P2RX5: variants seen among roughly 807,000 people sequenced by gnomAD.
The protein encoded by P2RX5 is purinergic receptor P2X 5.
In P2RX5, 46 loss-of-function variants were observed where a neutral mutation model predicts 54.1. The ratio of observed to expected loss-of-function variants is 0.85; its 90% confidence interval spans 0.67 to 1.09. The LOEUF is 1.09. Ranked by LOEUF, P2RX5 falls within the 50% of genes least tolerant of loss-of-function variation. The probability of loss-of-function intolerance (pLI) is 0.00; values close to 1 mark genes in which losing one functional copy is unlikely to be tolerated. For synonymous variants in P2RX5, 226 were observed against 226.4 expected, an observed-to-expected ratio of 1.00 and a Z score of 0.02; for missense variants, 566 against 549.8, an observed-to-expected ratio of 1.03 and a Z score of -0.29.
rs2050581720 is a variant in P2RX5 at position 3,690,507 on chromosome 17, G to A, written c.453C>T (p.Arg151=). The stretch of plus-strand genomic sequence containing the variant: ...TGGCCAAGTTCTCTCTCCGCAGGCA[G>A]CGGCCGGTCTTCACTCCTGCAGGGG... ...VTAGNGVKTG[R]CLRRENLARG... Residue 151 remains arginine (R), a synonymous_variant, in exon 5 of 12, where the codon CGC becomes CGT. Transcript: ENST00000225328. 1.2e-6 allele frequency: 2 copies of A among 1,613,590 alleles called. No homozygotes were observed. Among genetic ancestry groups the A allele is most frequent in the Non-Finnish European group, 1.7e-6 (2 of 1,179,932 alleles).
At chr17:3,685,671 C>G (rs2050435480) in intron 9 of P2RX5, 1 of 104,854 alleles carries the variant, frequency 9.5e-6, no homozygotes, top group Non-Finnish European at 2.2e-5. Context: ...AGCCTGAGAA[C>G]AGGAGAACGC....
At chr17:3,684,577 G>A (rs2050379697) in intron 9 of P2RX5, among the ~76,000 whole-genome samples, 1 of 152,188 alleles carries the variant, frequency 6.6e-6, no homozygotes, top group Non-Finnish European at 1.5e-5. Flanking sequence ...ACTCCAGCCT[G>A]GGCAACAGAG....
the P2RX5 span, chr17:3,718,356 C>A: frequency 2.0e-5 from 3 of 152,226 alleles, no homozygotes; most frequent in Admixed American, 2.0e-4. Flanking sequence ...TTGTATCCTG[C>A]CATGTGAAAA....
chr17:3,697,384 G>A (rs572674652), upstream of P2RX5, among the ~76,000 whole-genome samples: 3 of 152,260 alleles, frequency 2.0e-5, no homozygotes, highest in African/African-American at 4.8e-5. Flanking sequence ...AGCCAAAGAC[G>A]CAGGGCCCTG....
chr17:3,673,717 TCTGTGATGG>T lies in P2RX5; in HGVS notation c.*142_*150del. On this transcript the variant is annotated 3_prime_UTR_variant, in exon 12 of 12. Coordinates refer to ENST00000225328, the MANE Select transcript of P2RX5 (RefSeq NM_002561.4). ...GCATCAGACGTGGAGGTCACTTTGCTCTGTGATGGCTGGTCCCTGTGATGTGGCATTGAT... is the reference window on the plus strand; with the variant it reads ...GCATCAGACGTGGAGGTCACTTTGCTCTGGTCCCTGTGATGTGGCATTGAT... 6.3e-7 allele frequency: 1 copy of T among 1,589,066 alleles called. No homozygotes were observed. Among genetic ancestry groups the T allele is most frequent in the South Asian group, 1.1e-5 (1 of 87,884 alleles).
chr17:3,691,066 C>T, intron 2 of P2RX5, 39 bp from the exon 3 acceptor site: 1 of 1,433,826 alleles, frequency 7.0e-7, no homozygotes, highest in Non-Finnish European at 9.8e-7. Context: ...CTCCTCCTGC[C>T]CCTTAGGGAC....
the P2RX5 span, among the ~76,000 whole-genome samples, chr17:3,716,158 G>A: frequency 2.1e-5 from 3 of 140,980 alleles, no homozygotes; most frequent in African/African-American, 5.5e-5. Flanking sequence ...GCGAAAGAGC[G>A]GAACTCCGTC....
upstream of P2RX5, among the ~76,000 whole-genome samples, chr17:3,699,094 C>CACACACA (rs57191097): frequency 6.6e-4 from 71 of 107,014 alleles, 1 homozygote; most frequent in South Asian, 6.3e-3. Context: ...CACACACACA[C>CACACACA]CTATATATAT....
chr17:3,693,719 C>G (rs2050680443), intron 1 of P2RX5, among the ~76,000 whole-genome samples: 1 of 151,946 alleles, frequency 6.6e-6, no homozygotes, highest in Non-Finnish European at 1.5e-5. Flanking sequence ...GCCTGGGCAA[C>G]AAGAGCGAAA....
chr17:3,699,846 AAAAG>A (rs2050802989), upstream of P2RX5, among the ~76,000 whole-genome samples: 1 of 115,108 alleles, frequency 8.7e-6, no homozygotes, highest in African/African-American at 3.0e-5. Flanking sequence ...GAGAGAAAGA[AAAAG>A]AAAAAAGAAA....
intron 1 of P2RX5, among the ~76,000 whole-genome samples, chr17:3,693,554 G>A (rs1218016683): frequency 6.6e-5 from 10 of 152,036 alleles, no homozygotes; most frequent in Non-Finnish European, 2.9e-5. Context: ...TGACCAACAT[G>A]GTGAAACTCC....
intron 1 of P2RX5, among the ~76,000 whole-genome samples, chr17:3,694,425 C>T (rs2050701472): frequency 6.6e-6 from 1 of 151,804 alleles, no homozygotes; most frequent in Non-Finnish European, 1.5e-5. Context: ...AGGCTGGTCT[C>T]GAACTCCTGA....
Position 3,690,718 on chromosome 17 carries a change from C to T in P2RX5, c.361-38G>A, listed in dbSNP as rs761698531. ...AAGGGGCACCTGGATGGGGGGGTTC[C>T]CCCAGCTCAGAGCCGGGTCCCACTC... On this transcript the variant is annotated intron_variant, in intron 3 of 11. Transcript: ENST00000225328. 6.2e-6 allele frequency: 10 copies of T among 1,603,088 alleles called. No individual in the cohort carries two copies. In the African/African-American group the frequency reaches 1.3e-4, roughly 21 times the overall value.
chr17:3,692,415 T>C (rs142413888), intron 1 of P2RX5, among the ~76,000 whole-genome samples: 83 of 152,324 alleles, frequency 5.4e-4, no homozygotes, highest in African/African-American at 1.9e-3. Flanking sequence ...ACTGGTTTGG[T>C]GACCCCAGGC....
Position 3,691,168 on chromosome 17 carries a change from A to C in P2RX5, c.289-141T>G, listed in dbSNP as rs371338087. ...GCCACAAACTTGGTATACTCTGCCC[A>C]TCTGCTCATGGACCCCACAGTCCCC... On this transcript the variant is annotated intron_variant, in intron 2 of 11. Transcript: ENST00000225328. 4.6e-4 allele frequency: 317 copies of C among 685,096 alleles called. 5 individuals are homozygous for C. The highest frequency in any genetic ancestry group is 3.2e-3 in the South Asian group (199 of 61,904). The allele number at this position is 685,096 out of a possible 1,614,324, so 42.4% of individuals were successfully genotyped here.
At chr17:3,676,686 A>G (rs2050112236) in intron 11 of P2RX5, 1 of 487,044 alleles carries the variant, frequency 2.1e-6, no homozygotes, top group African/African-American at 2.1e-5. Flanking sequence ...TCTTGTTGAA[A>G]CACAGGTTCT....
intron 11 of P2RX5, among the ~76,000 whole-genome samples, chr17:3,674,338 C>CA (rs11419219): frequency 0.42 from 62,055 of 146,064 alleles, 13,610 homozygotes; most frequent in East Asian, 0.54. Context: ...AAAAAAAATA[C>CA]AAAAAAAAAA....
upstream of P2RX5, chr17:3,696,315 C>G (rs533497692): frequency 4.4e-4 from 93 of 213,084 alleles, no homozygotes; most frequent in African/African-American, 2.1e-3. Context: ...CCCCTGCAAC[C>G]TACTCCCCAG....
intron 1 of P2RX5, 26 bp from the exon 2 acceptor site, chr17:3,691,820 G>C: frequency 6.2e-7 from 1 of 1,613,718 alleles, no homozygotes; most frequent in Non-Finnish European, 8.5e-7. Flanking sequence ...CGGTACGTGG[G>C]CATCAGCCAC....
Sources: gnomAD v4.1 joint callset for allele counts (sites outside exome capture counted in the v4.1 genomes callset) on GRCh38, gnomAD v4.1.1 for gene constraint, MANE v1.5 for transcripts, NCBI Gene and HGNC (gene_info 2026-07-23, HGNC 2026-07-21) for gene names.